The following GAREM1 variants were observed in gnomAD, a reference collection of about 807,000 sequenced individuals.
The protein encoded by GAREM1 is GRB2-associated and regulator of MAPK protein 1.
In GAREM1, 26 loss-of-function variants were observed where a neutral mutation model predicts 71.3. The ratio of observed to expected loss-of-function variants is 0.36; its 90% CI spans 0.27 to 0.51. The LOEUF (loss-of-function observed/expected upper bound fraction) is 0.51, where lower values mean the gene tolerates loss of function less well. Ranked by LOEUF, GAREM1 falls within the 20% of genes least tolerant of loss-of-function variation. The pLI is 0.95. For synonymous variants in GAREM1, 440 were observed against 433.2 expected (o/e 1.02, Z -0.20); for missense variants, 1,026 against 1,103.1 (o/e 0.93, Z 0.99).
rs757440567 is a variant in GAREM1, at chr18:32,351,323, C to T, written c.263-41000G>A. 9.9e-5 allele frequency among the ~76,000 whole-genome samples: 15 copies of T among 152,186 alleles called. No homozygotes were observed. The East Asian group carries it at 1.3e-3, about 14-fold the overall frequency. On this transcript the variant is annotated intron_variant, in intron 2 of 5. Transcript: ENST00000269209. Reference sequence around the variant, plus strand: ...TAAAAGGTTATCTTTAGATTTATTACTCATTAATCTGACTCAAATTTATCA... The same window carrying T: ...TAAAAGGTTATCTTTAGATTTATTATTCATTAATCTGACTCAAATTTATCA...
chr18:32,381,324 A>AC (rs2048096086), intron 2 of GAREM1, among the ~76,000 whole-genome samples: 1 of 152,090 alleles, frequency 6.6e-6, no homozygotes, highest in East Asian at 1.9e-4. Flanking sequence ...TTGTTTTCTT[A>AC]CTCTATTTCT....
chr18:32,294,660 G>A (rs1232942112), intron 3 of GAREM1, among the ~76,000 whole-genome samples: 2 of 152,016 alleles, frequency 1.3e-5, no homozygotes, highest in African/African-American at 4.8e-5. Flanking sequence ...TCAATCCCTG[G>A]ACACTGCTGT....
chr18:32,377,051 A>G (rs955460584), intron 2 of GAREM1, among the ~76,000 whole-genome samples: 5 of 152,182 alleles, frequency 3.3e-5, no homozygotes, highest in African/African-American at 7.2e-5. Flanking sequence ...TTTAGAAATA[A>G]TGAAACTGAG....
chr18:32,333,991 C>T (rs934182914), intron 2 of GAREM1, among the ~76,000 whole-genome samples: 1 of 152,092 alleles, frequency 6.6e-6, no homozygotes, highest in African/African-American at 2.4e-5. Flanking sequence ...TAGATGGCTC[C>T]GGAGGATGAT....
At chr18:32,328,393 A>T (rs1196353410) in intron 2 of GAREM1, among the ~76,000 whole-genome samples, 1 of 152,202 alleles carries the variant, frequency 6.6e-6, no homozygotes, top group African/African-American at 2.4e-5. Flanking sequence ...TGTGGTTGAT[A>T]ATCTGTAGAT....
At chr18:32,444,058 A>C (rs957263587) in intron 1 of GAREM1, among the ~76,000 whole-genome samples, 1 of 152,150 alleles carries the variant, frequency 6.6e-6, no homozygotes. Context: ...AAAATGTCCA[A>C]TGTAGGCAAA....
At position 32,366,038 on chromosome 18, in the gene GAREM1, C is replaced by T. The variant is rs141605053; in HGVS notation, c.262+26857G>A. Among the ~76,000 whole-genome samples, 472 of 152,216 alleles carry T rather than the reference C, an allele frequency of 3.1e-3. 4 individuals are homozygous for T. Among genetic ancestry groups the T allele is most frequent in the African/African-American group, 0.011 (453 of 41,508 alleles). ...GTTCCATCTCTCCATTTTCTTTCTT[C>T]AAACTGTTAGCACCAGTAGTTTCAA... is the stretch of plus-strand genomic sequence containing the variant. On this transcript the variant is annotated intron_variant, in intron 2 of 5. Coordinates refer to ENST00000269209, the MANE Select transcript of GAREM1 (RefSeq NM_001242409.2).
chr18:32,304,223 C>T (rs755299647), intron 3 of GAREM1, among the ~76,000 whole-genome samples: 18 of 151,998 alleles, frequency 1.2e-4, no homozygotes, highest in Non-Finnish European at 2.4e-4. Context: ...AGGAGAATCG[C>T]TTGGACCTGG....
intron 2 of GAREM1, among the ~76,000 whole-genome samples, chr18:32,336,921 G>C (rs2047602042): frequency 6.6e-6 from 1 of 152,172 alleles, no homozygotes; most frequent in African/African-American, 2.4e-5. Context: ...AATAATATTA[G>C]TGGCTGTCTG....
At chr18:32,367,504 G>A (rs939116160) in intron 2 of GAREM1, among the ~76,000 whole-genome samples, 2 of 152,194 alleles carry the variant, frequency 1.3e-5, no homozygotes, top group African/African-American at 4.8e-5. Flanking sequence ...ATTTATAGAA[G>A]ATATGCTCCT....
At position 32,416,550 on chromosome 18, in the gene GAREM1, G is replaced by T. The variant is rs904411114; in HGVS notation, c.122-23515C>A. 5.9e-5 allele frequency among the ~76,000 whole-genome samples: 9 copies of T among 152,040 alleles called. No individual in the cohort carries two copies. In the East Asian group the frequency reaches 1.7e-3, roughly 29 times the overall value. On this transcript the variant is annotated intron_variant, in intron 1 of 5. Transcript: ENST00000269209. ...ACATAGACAAATGGAACAGGACAGAGAACCCAGAATCAAATCCACACACCT... is the reference window on the plus strand; with the variant it reads ...ACATAGACAAATGGAACAGGACAGATAACCCAGAATCAAATCCACACACCT...
chr18:32,278,904 G>A (rs1191832126), intron 4 of GAREM1, among the ~76,000 whole-genome samples: 1 of 152,086 alleles, frequency 6.6e-6, no homozygotes, highest in African/African-American at 2.4e-5. Context: ...TTGATGATAA[G>A]GACCTAAGAC....
chr18:32,468,540 T>G (rs906860723), intron 1 of GAREM1, among the ~76,000 whole-genome samples: 27 of 152,206 alleles, frequency 1.8e-4, no homozygotes, highest in Admixed American at 1.5e-3. Context: ...GACACAGTGT[T>G]AAGACTTGCT....
chr18:32,420,701 A>G (rs957508805), intron 1 of GAREM1, among the ~76,000 whole-genome samples: 26 of 150,936 alleles, frequency 1.7e-4, no homozygotes. Flanking sequence ...GCTTGAGTCC[A>G]GGAGTTTGAG....
chr18:32,295,295 A>G (rs2047129595), intron 3 of GAREM1, among the ~76,000 whole-genome samples: 1 of 152,192 alleles, frequency 6.6e-6, no homozygotes, highest in Admixed American at 6.5e-5. Context: ...AAATATTAAA[A>G]TAATTCTACA....
chr18:32,392,862 G>A (rs1418790626), intron 2 of GAREM1, 33 bp downstream of exon 2: 7 of 1,595,266 alleles, frequency 4.4e-6, no homozygotes, highest in South Asian at 1.1e-5. Flanking sequence ...CCTTTCTCTC[G>A]CTGCCTCATC....
intron 1 of GAREM1, among the ~76,000 whole-genome samples, chr18:32,447,891 T>G (rs950698474): frequency 1.3e-5 from 2 of 152,142 alleles, no homozygotes; most frequent in African/African-American, 2.4e-5. Context: ...TTGTTGAAAT[T>G]CTTTGTTATT....
chr18:32,320,455 T>G (rs1037184982), intron 2 of GAREM1, among the ~76,000 whole-genome samples: 1 of 152,098 alleles, frequency 6.6e-6, no homozygotes, highest in East Asian at 1.9e-4. Context: ...TATTTTTTCA[T>G]GGCGGAGGAA....
rs527760063 is a variant in GAREM1, at chr18:32,463,618, G to A, written c.121+6690C>T. ...GGAGTCTTGCTCTGTCGCCCAGGCCGGGGTGCAGTGATGTGATCTCAGCTC... is the reference window on the plus strand; with the variant it reads ...GGAGTCTTGCTCTGTCGCCCAGGCCAGGGTGCAGTGATGTGATCTCAGCTC... On this transcript the variant is annotated intron_variant, in intron 1 of 5. Transcript: ENST00000269209. Among the ~76,000 whole-genome samples the A allele has an allele frequency of 7.5e-5, 11 of 146,226 alleles. No individual in the cohort carries two copies. The South Asian group carries it at 1.1e-3, about 14-fold the overall frequency.
Sources: allele counts gnomAD v4.1 joint callset (sites outside exome capture counted in the v4.1 genomes callset), GRCh38; gene constraint gnomAD v4.1.1; transcripts MANE v1.5; gene names NCBI Gene and HGNC (gene_info 2026-07-23, HGNC 2026-07-21).